The following ZFP1 variants were observed in gnomAD, a reference collection of about 807,000 sequenced individuals.
ZFP1 encodes the protein ZFP1 zinc finger protein.
Under a neutral mutation model 38.5 loss-of-function variants are expected in ZFP1, and 32 were observed. The observed-to-expected ratio is 0.83, with a 90% CI of 0.63 to 1.12. The LOEUF (loss-of-function observed/expected upper bound fraction) is 1.12, where lower values mean the gene tolerates loss of function less well. ZFP1 is among the 50% of genes most tolerant of loss of function. ZFP1 has a pLI of 0.00. For missense variants in ZFP1, 616 were observed against 480.8 expected (o/e 1.28, Z -2.63); for synonymous variants, 245 against 168.8 (o/e 1.45, Z -3.50).
chr16:75,159,917 C>T (rs2037679260), intron 2 of ZFP1, among the ~76,000 whole-genome samples: 1 of 152,148 alleles, frequency 6.6e-6, no homozygotes, highest in Admixed American at 6.6e-5. Context: ...GTGCTCCATC[C>T]TTCTAGGGCA....
the ZFP1 span, among the ~76,000 whole-genome samples, chr16:75,133,081 G>T: frequency 6.6e-6 from 1 of 151,652 alleles, no homozygotes; most frequent in African/African-American, 2.4e-5. Flanking sequence ...GGGTTCAAGC[G>T]AGTCTCCTGC....
intron 1 of ZFP1, among the ~76,000 whole-genome samples, chr16:75,150,562 G>A (rs1197271398): frequency 2.0e-4 from 30 of 152,214 alleles, no homozygotes. Flanking sequence ...TTCTGATTTG[G>A]TCAGAATACT....
chr16:75,151,141 G>A (rs2037185138), intron 1 of ZFP1, among the ~76,000 whole-genome samples: 1 of 151,864 alleles, frequency 6.6e-6, no homozygotes, highest in African/African-American at 2.4e-5. Context: ...TTACAGGCAT[G>A]AGCTACTGTG....
At chr16:75,146,674 C>T (rs1414238160), upstream of ZFP1, among the ~76,000 whole-genome samples, 1 of 152,092 alleles carries the variant, frequency 6.6e-6, no homozygotes, top group African/African-American at 2.4e-5. Context: ...CACAGTGGCT[C>T]ATCCCTATAA....
In ZFP1 at chr16:75,170,377, C is replaced by G. The variant is rs761192736; in HGVS notation, c.*43C>G. ...ACTGTGGAAAACTCCTGCCAGAACT[C>G]TTCAAGCGGGTGAAAAACCTCATGA... On this transcript the variant is annotated 3_prime_UTR_variant, in exon 4 of 4. Transcript: ENST00000570010. 1 of 1,511,914 alleles carries G rather than the reference C, an allele frequency of 6.6e-7. No homozygotes were observed. The highest frequency in any genetic ancestry group is 8.8e-7 in the Non-Finnish European group (1 of 1,130,946). 93.7% of individuals were successfully genotyped at this position (1,511,914 alleles called of 1,614,324 possible).
At chr16:75,160,957 TTAAG>T (rs549399505) in intron 2 of ZFP1, among the ~76,000 whole-genome samples, 131 of 152,324 alleles carry the variant, frequency 8.6e-4, no homozygotes, top group South Asian at 4.6e-3. Context: ...TAATTGGGGA[TTAAG>T]TTTCAACATG....
At chr16:75,141,663 G>C in the ZFP1 span, among the ~76,000 whole-genome samples, 1 of 152,070 alleles carries the variant, frequency 6.6e-6, no homozygotes, top group South Asian at 2.1e-4. Flanking sequence ...GGTTTGGGAG[G>C]ATTGCTTGAG....
chr16:75,146,366 G>T (rs112149680), upstream of ZFP1, among the ~76,000 whole-genome samples: 1 of 151,896 alleles, frequency 6.6e-6, no homozygotes, highest in African/African-American at 2.4e-5. Context: ...ACAGGGTTTC[G>T]CTGTGTTAGC....
intron 3 of ZFP1, among the ~76,000 whole-genome samples, chr16:75,167,845 C>G (rs547040830): frequency 1.1e-4 from 16 of 152,142 alleles, no homozygotes; most frequent in Non-Finnish European, 2.1e-4. Flanking sequence ...GCTTATAATC[C>G]TAGCATTTTG....
chr16:75,163,253 T>C (rs1014920155), intron 2 of ZFP1, among the ~76,000 whole-genome samples: 2 of 152,130 alleles, frequency 1.3e-5, no homozygotes, highest in African/African-American at 4.8e-5. Context: ...TGTCTCTTAC[T>C]GTCTCTATCA....
intron 2 of ZFP1, among the ~76,000 whole-genome samples, chr16:75,165,718 ATTTT>A (rs573507213): frequency 1.4e-5 from 2 of 145,926 alleles, no homozygotes; most frequent in Non-Finnish European, 3.0e-5. Context: ...TATGCTGAGT[ATTTT>A]TTTTTTTTAA....
the ZFP1 span, among the ~76,000 whole-genome samples, chr16:75,134,725 T>G: frequency 7.1e-6 from 1 of 141,504 alleles, no homozygotes; most frequent in Non-Finnish European, 1.5e-5. Context: ...CACTCCAGCC[T>G]GGGCAACACA....
chr16:75,163,760 C>T (rs1326871127), intron 2 of ZFP1, among the ~76,000 whole-genome samples: 1 of 151,802 alleles, frequency 6.6e-6, no homozygotes, highest in African/African-American at 2.4e-5. Context: ...TACAGGTGTG[C>T]ACCACCACGT....
the ZFP1 span, among the ~76,000 whole-genome samples, chr16:75,132,256 G>A: frequency 1.3e-5 from 2 of 152,058 alleles, no homozygotes; most frequent in African/African-American, 4.8e-5. Flanking sequence ...AGGCATGGCG[G>A]CATATGCCTG....
In ZFP1 at chr16:75,169,356, A is replaced by C. The variant is rs2038288815; in HGVS notation, c.246A>C (p.Arg82Ser). The change falls in exon 4 of 4, where the codon AGA becomes AGC. Residue 82 changes from arginine (R) to serine (S), a missense_variant. Arg to Ser is a moderately radical substitution (Grantham distance 110). Transcript: ENST00000570010. ...ILKNQTPIEE[R>S]GDLFGKALNL... ...AGAACCAAACCCCAATTGAGGAAAG[A>C]GGCGATCTCTTTGGAAAAGCACTTA... 6.2e-7 allele frequency: 1 copy of C among 1,614,068 alleles called. No individual in the cohort carries two copies. Among genetic ancestry groups the C allele is most frequent in the Non-Finnish European group, 8.5e-7 (1 of 1,180,026 alleles).
At chr16:75,120,937 T>A in the ZFP1 span, among the ~76,000 whole-genome samples, 2 of 152,142 alleles carry the variant, frequency 1.3e-5, no homozygotes, top group Non-Finnish European at 2.9e-5. Context: ...CCCTTGGGTT[T>A]TTAAGGAAGA....
At chr16:75,168,114 C>T (rs2038199866) in intron 3 of ZFP1, among the ~76,000 whole-genome samples, 1 of 152,118 alleles carries the variant, frequency 6.6e-6, no homozygotes, top group South Asian at 2.1e-4. Flanking sequence ...GCCTTGGCCT[C>T]CCAAAGTGCT....
At chr16:75,160,004 A>G (rs537544623) in intron 2 of ZFP1, among the ~76,000 whole-genome samples, 16 of 152,226 alleles carry the variant, frequency 1.1e-4, no homozygotes, top group Admixed American at 7.9e-4. Flanking sequence ...CCTCAGCACT[A>G]TGCAACCTCT....
chr16:75,155,710 A>T (rs2037437905), intron 2 of ZFP1, among the ~76,000 whole-genome samples: 1 of 152,206 alleles, frequency 6.6e-6, no homozygotes, highest in South Asian at 2.1e-4. Context: ...TTCTGATTGA[A>T]TCCACCTAGT....
Sources: allele counts gnomAD v4.1 joint callset (sites outside exome capture counted in the v4.1 genomes callset), GRCh38; gene constraint gnomAD v4.1.1; transcripts MANE v1.5; gene names NCBI Gene and HGNC (gene_info 2026-07-23, HGNC 2026-07-21).